Variants in STK32B observed in about 807,000 individuals in gnomAD.
The protein encoded by STK32B is serine/threonine kinase 32B.
Under a neutral mutation model 52.6 loss-of-function variants are expected in STK32B, and 43 were observed. The ratio of observed to expected loss-of-function variants is 0.82; its 90% CI spans 0.64 to 1.05. The LOEUF (loss-of-function observed/expected upper bound fraction) is 1.05, where lower values mean the gene tolerates loss of function less well. STK32B is among the 50% of genes least tolerant of loss of function. The probability of loss-of-function intolerance (pLI) is 0.00; values close to 1 mark genes in which losing one functional copy is unlikely to be tolerated. For missense variants in STK32B, 621 were observed against 534.6 expected (o/e 1.16, Z -1.59); for synonymous variants, 238 against 204.3 (o/e 1.17, Z -1.41).
chr4:5,232,985 C>T (rs1412982779), intron 3 of STK32B, among the ~76,000 whole-genome samples: 2 of 152,188 alleles, frequency 1.3e-5, no homozygotes, highest in African/African-American at 4.8e-5. Context: ...GGTAATTGTG[C>T]ATCCTCTGTT....
rs549686508 is a variant in STK32B, at chr4:5,260,273, C to G, written c.261-70947C>G. ...ACAAATGTCCATTAATCTCCCAGCA[C>G]TGGGCATGTCAAGATTTTCATATGT... is the stretch of plus-strand genomic sequence containing the variant. On this transcript the variant is annotated intron_variant, in intron 3 of 11. Coordinates refer to ENST00000282908, the MANE Select transcript of STK32B (RefSeq NM_018401.3). Among the ~76,000 whole-genome samples, 29 of 152,332 alleles carry G rather than the reference C, an allele frequency of 1.9e-4. No individual in the cohort carries two copies. In the East Asian group the frequency reaches 4.8e-3, roughly 25 times the overall value.
chr4:5,130,976 A>T (rs1715737352), intron 1 of STK32B, among the ~76,000 whole-genome samples: 2 of 152,044 alleles, frequency 1.3e-5, no homozygotes, highest in African/African-American at 2.4e-5. Context: ...TCCCAAGAGG[A>T]TGGAGTGGAT....
chr4:5,083,299 G>T (rs1712538254), intron 1 of STK32B, among the ~76,000 whole-genome samples: 1 of 152,006 alleles, frequency 6.6e-6, no homozygotes, highest in Non-Finnish European at 1.5e-5. Context: ...ATGTTGTTTG[G>T]GAGATATTTT....
chr4:5,362,611 A>G (rs1244890018), intron 4 of STK32B, among the ~76,000 whole-genome samples: 1 of 152,222 alleles, frequency 6.6e-6, no homozygotes, highest in East Asian at 1.9e-4. Flanking sequence ...AGTGGAAACT[A>G]GACCTTCAGA....
At chr4:5,407,537 TCA>T (rs1491581538) in intron 5 of STK32B, among the ~76,000 whole-genome samples, 1 of 152,102 alleles carries the variant, frequency 6.6e-6, no homozygotes, top group Admixed American at 6.5e-5. Flanking sequence ...TTTAATTGAC[TCA>T]CAGTTCCACA....
At chr4:5,155,312 G>A (rs533461526) in intron 2 of STK32B, among the ~76,000 whole-genome samples, 45 of 152,168 alleles carry the variant, frequency 3.0e-4, no homozygotes, top group Non-Finnish European at 6.3e-4. Context: ...ATTCTATTAT[G>A]TGTTTATTCA....
intron 3 of STK32B, among the ~76,000 whole-genome samples, chr4:5,293,705 T>G (rs1385216026): frequency 6.6e-6 from 1 of 152,142 alleles, no homozygotes. Flanking sequence ...GTCAGATGGA[T>G]AGATTGCAAA....
At chr4:5,219,626 G>A (rs1723398188) in intron 3 of STK32B, among the ~76,000 whole-genome samples, 1 of 152,210 alleles carries the variant, frequency 6.6e-6, no homozygotes, top group Admixed American at 6.5e-5. Context: ...CCTCCTCAGG[G>A]CAGTGCCTTT....
chr4:5,137,602 C>T (rs1716151766), intron 1 of STK32B, among the ~76,000 whole-genome samples: 1 of 152,110 alleles, frequency 6.6e-6, no homozygotes, highest in African/African-American at 2.4e-5. Flanking sequence ...CCCCATTTTC[C>T]CTATTTTACA....
intron 3 of STK32B, among the ~76,000 whole-genome samples, chr4:5,320,149 C>G (rs1198445851): frequency 6.6e-6 from 1 of 152,104 alleles, no homozygotes; most frequent in Non-Finnish European, 1.5e-5. Flanking sequence ...AGGTCCCTCC[C>G]CTATGTGTTT....
At chr4:5,125,952 G>A (rs1715337164) in intron 1 of STK32B, among the ~76,000 whole-genome samples, 3 of 152,094 alleles carry the variant, frequency 2.0e-5, no homozygotes, top group Admixed American at 1.3e-4. Context: ...CTCAACCTAG[G>A]TTGAGCTTCA....
At chr4:5,375,093 C>T (rs1460730930) in intron 4 of STK32B, among the ~76,000 whole-genome samples, 3 of 152,138 alleles carry the variant, frequency 2.0e-5, no homozygotes, top group Non-Finnish European at 4.4e-5. Flanking sequence ...AAGTCCCCTC[C>T]CACCCCTGGT....
rs755969567 is a variant in STK32B at position 5,470,819 on chromosome 4, C to T, written c.1106+2749C>T. Among the ~76,000 whole-genome samples, 1 of 152,230 alleles carries T rather than the reference C, an allele frequency of 6.6e-6. No homozygotes were observed. Among genetic ancestry groups the T allele is most frequent in the Non-Finnish European group, 1.5e-5 (1 of 68,046 alleles). ...TATCCTTCACTTCTGTCTGGAATCC[C>T]ATGTTAGAGGCACTGCTGGCACTTG... is the stretch of plus-strand genomic sequence containing the variant. On this transcript the variant is annotated intron_variant, in intron 11 of 11. Transcript: ENST00000282908. This position sits in a 1 kb window ranked among gnomAD's most constrained non-coding sequence, Gnocchi z 4.6.
At position 5,500,139 on chromosome 4, in the gene STK32B, G is replaced by A. The variant is rs1188809847; in HGVS notation, c.*1056G>A. ...TCAGGGAGAAGCTTGCCTTTGAACT[G>A]GAAGATGTTGGGATGAGCAGGGAAA... is the stretch of plus-strand genomic sequence containing the variant. On this transcript the variant is annotated 3_prime_UTR_variant, in exon 12 of 12. Transcript: ENST00000282908. The A allele has an allele frequency of 6.6e-6, 1 of 152,216 alleles. No homozygotes were observed. The highest frequency in any genetic ancestry group is 1.9e-4 in the East Asian group (1 of 5,182). 9.4% of individuals were successfully genotyped at this position (152,216 alleles called of 1,614,324 possible). A position where few individuals can be genotyped will look rare whatever the true frequency, so the allele number is the denominator to read the frequency against.
In STK32B at chr4:5,466,797, A is replaced by C. The variant is rs574395382; in HGVS notation, c.1004A>C (p.Asn335Thr). The C allele has an allele frequency of 6.2e-7, 1 of 1,614,014 alleles. No individual in the cohort carries two copies. The highest frequency in any genetic ancestry group is 2.2e-5 in the East Asian group (1 of 44,878). Residue 335 changes from asparagine (N) to threonine (T), a missense_variant, in exon 10 of 12, where the codon AAC (asparagine) becomes ACC (threonine). Physicochemically the swap from Asn to Thr is moderately conservative, Grantham distance 65. Coordinates refer to ENST00000282908, the MANE Select transcript of STK32B (RefSeq NM_018401.3). ...AAAAAGAAGAAGCGATTGGCAAAGA[A>C]CAGATCCAGGGATGGCACAAAGGAC... ...LHKKKKRLAKNRSRDGTKDSC... is the reference protein window; with the variant it reads ...LHKKKKRLAKTRSRDGTKDSC...
chr4:5,139,544 A>G (rs1339757142), intron 1 of STK32B: 1 of 240,842 alleles, frequency 4.2e-6, no homozygotes, highest in Non-Finnish European at 8.2e-6. Flanking sequence ...AAGTCAAAGG[A>G]GGGGAGGATG....
intron 3 of STK32B, among the ~76,000 whole-genome samples, chr4:5,210,243 C>T (rs1722829122): frequency 6.6e-6 from 1 of 152,038 alleles, no homozygotes; most frequent in Non-Finnish European, 1.5e-5. Flanking sequence ...CTTTCTTCTT[C>T]TTCTTCTCCT....
chr4:5,042,832 C>T, the STK32B span, among the ~76,000 whole-genome samples: 2 of 152,092 alleles, frequency 1.3e-5, no homozygotes, highest in South Asian at 2.1e-4. Context: ...AGGGGCCGGG[C>T]GCGGTGGCTC....
chr4:5,477,500 C>T (rs1253500942), intron 11 of STK32B, among the ~76,000 whole-genome samples: 3 of 152,124 alleles, frequency 2.0e-5, no homozygotes, highest in South Asian at 2.1e-4. Context: ...CACCAGCATC[C>T]GGATCCCCAG....
Sources: gnomAD v4.1 joint callset for allele counts (sites outside exome capture counted in the v4.1 genomes callset) on GRCh38, gnomAD v4.1.1 for gene constraint, Gnocchi (gnomAD v3.1) non-coding constraint, MANE v1.5 for transcripts, NCBI Gene and HGNC (gene_info 2026-07-23, HGNC 2026-07-21) for gene names.